MAU2: variants seen among roughly 807,000 people sequenced by gnomAD.
MAU2 encodes the protein MAU2 sister chromatid cohesion factor.
MAU2 carries 9 observed loss-of-function variants against 89.1 expected under a neutral mutation model. The ratio of observed to expected loss-of-function variants is 0.10; its 90% confidence interval spans 0.06 to 0.18. The LOEUF (loss-of-function observed/expected upper bound fraction) is 0.18. MAU2 is among the 10% of genes least tolerant of loss of function. MAU2 has a pLI of 1.00. For missense variants in MAU2, 425 were observed against 803.5 expected (o/e 0.53, Z 5.69); for synonymous variants, 357 against 343.4 (o/e 1.04, Z -0.44).
intron 3 of MAU2, among the ~76,000 whole-genome samples, chr19:19,336,683 G>C (rs2061599319): frequency 6.6e-6 from 1 of 152,306 alleles, no homozygotes; most frequent in South Asian, 2.1e-4. Context: ...TTCTACATAA[G>C]ACTGTTGGAA....
intron 12 of MAU2, among the ~76,000 whole-genome samples, chr19:19,346,187 C>T (rs2061691750): frequency 6.6e-6 from 1 of 152,152 alleles, no homozygotes; most frequent in Non-Finnish European, 1.5e-5. Flanking sequence ...ATGCAGACAG[C>T]ATGCTTGGGA....
chr19:19,351,523 CA>C (rs1481345181), intron 16 of MAU2, among the ~76,000 whole-genome samples: 1 of 151,538 alleles, frequency 6.6e-6, no homozygotes, highest in African/African-American at 2.4e-5. Flanking sequence ...AAAAACCAAA[CA>C]AAAAAATTAG....
At chr19:19,339,089 G>A in intron 5 of MAU2, 150 bp downstream of exon 5, 2 of 624,018 alleles carry the variant, frequency 3.2e-6, no homozygotes, top group Non-Finnish European at 5.5e-6. Flanking sequence ...AAGGTAGGAG[G>A]ATCACTTGAG....
intron 2 of MAU2, 81 bp downstream of exon 2, chr19:19,335,816 C>T (rs768677120): frequency 2.8e-4 from 419 of 1,497,014 alleles, no homozygotes; most frequent in Non-Finnish European, 3.5e-4. Context: ...TTGAATCCCA[C>T]CTCCCGACAT....
rs60860168 is a variant in MAU2 at position 19,347,244 on chromosome 19, G to A, written c.1222-36G>A. On this transcript the variant is annotated intron_variant, in intron 12 of 18. Transcript: ENST00000262815. ...CACTGCCACATGGGTCACAGCACCC[G>A]ACCCAGCCCCCTAATGTCCCCGCCT... is the stretch of plus-strand genomic sequence containing the variant. 6.7e-3 allele frequency: 9,753 copies of A among 1,460,424 alleles called. 554 individuals are homozygous for A. The African/African-American group carries it at 0.12, about 18-fold the overall frequency. The allele number at this position is 1,460,424 out of a possible 1,614,324, so 90.5% of individuals were successfully genotyped here.
intron 1 of MAU2, among the ~76,000 whole-genome samples, chr19:19,335,317 A>G (rs1036168804): frequency 6.6e-6 from 1 of 152,060 alleles, no homozygotes; most frequent in Non-Finnish European, 1.5e-5. Context: ...GCTTTGCTGA[A>G]CGTCCTTCCT....
rs757536566 is a variant in MAU2, at chr19:19,345,283, GACA to G, written c.1156-17_1156-15del. 2.6e-5 allele frequency: 42 copies of G among 1,611,888 alleles called. No individual in the cohort carries two copies. The highest frequency in any genetic ancestry group is 3.4e-5 in the Non-Finnish European group (40 of 1,178,288). On this transcript the variant is annotated intron_variant, in intron 11 of 18. Transcript: ENST00000262815. This position sits in a 1 kb window ranked among gnomAD's most constrained non-coding sequence, Gnocchi z 4.9. ...CCCCTCCCCAGGGGCCGGCCCTGATGACAACACCACCTTCTTCCAGGGCCTGTA... is the reference window on the plus strand; with the variant it reads ...CCCCTCCCCAGGGGCCGGCCCTGATGACACCACCTTCTTCCAGGGCCTGTA...
chr19:19,335,762 C>T lies in MAU2; in HGVS notation c.294+27C>T, dbSNP rs766883068. The T allele has an allele frequency of 3.1e-6, 5 of 1,611,592 alleles. No homozygotes were observed. The East Asian group carries it at 8.9e-5, about 29-fold the overall frequency. ...TATCCTTTCCGTGTTGGTATGGTTC[C>T]CTTTAAGGAATTCTCCACTTAAATA... is the stretch of plus-strand genomic sequence containing the variant. On this transcript the variant is annotated intron_variant, in intron 2 of 18. Coordinates refer to ENST00000262815, the MANE Select transcript of MAU2 (RefSeq NM_015329.4).
intron 1 of MAU2, among the ~76,000 whole-genome samples, chr19:19,327,206 C>T (rs1164386267): frequency 6.6e-6 from 1 of 150,884 alleles, no homozygotes; most frequent in Admixed American, 6.6e-5. Context: ...ATTAAAACCT[C>T]TGCCTCTCAG....
At chr19:19,326,719 T>TATATATATGTGTATATATATATATAC (rs1327254833) in intron 1 of MAU2, among the ~76,000 whole-genome samples, 5 of 28,640 alleles carry the variant, frequency 1.7e-4, no homozygotes, top group Non-Finnish European at 4.5e-4. Context: ...TATATATATA[T>TATATATATGTGTATATATATATATAC]ACATATATAT....
chr19:19,326,706 A>ATATATATATATACGTG (rs2061508962), intron 1 of MAU2, among the ~76,000 whole-genome samples: 2 of 86,986 alleles, frequency 2.3e-5, no homozygotes, highest in Non-Finnish European at 5.1e-5. Context: ...ATATATGTAT[A>ATATATATATATACGTG]TATATATATA....
intron 1 of MAU2, among the ~76,000 whole-genome samples, chr19:19,328,603 A>G (rs1354907691): frequency 6.6e-6 from 1 of 151,876 alleles, no homozygotes; most frequent in Non-Finnish European, 1.5e-5. Flanking sequence ...TTGTAATTTT[A>G]GTAGAGACGG....
chr19:19,343,963 C>T lies in MAU2; in HGVS notation c.1077+23C>T, dbSNP rs532664011. The T allele has an allele frequency of 2.0e-5, 32 of 1,590,754 alleles. 1 individual carries two copies. In the East Asian group the frequency reaches 4.9e-4, roughly 24 times the overall value. On this transcript the variant is annotated intron_variant, in intron 10 of 18. Transcript: ENST00000262815. ...GAGGTAAGGCTGGAAGCAGGAGGGG[C>T]GGGAAGGCCCAGGAGTTTGTTGGGT...
At chr19:19,326,721 C>CACATAT (rs1555792869) in intron 1 of MAU2, among the ~76,000 whole-genome samples, 1 of 80,992 alleles carries the variant, frequency 1.2e-5, no homozygotes, top group Non-Finnish European at 2.5e-5. Flanking sequence ...TATATATATA[C>CACATAT]ATATATATAT....
At chr19:19,342,086 G>A (rs951878849) in intron 7 of MAU2, among the ~76,000 whole-genome samples, 1 of 152,172 alleles carries the variant, frequency 6.6e-6, no homozygotes. Context: ...CTGCAGCCAC[G>A]CTTCCCTCAG....
chr19:19,323,178 C>G (rs1223444016), intron 1 of MAU2, among the ~76,000 whole-genome samples: 1 of 151,848 alleles, frequency 6.6e-6, no homozygotes, highest in East Asian at 1.9e-4. Flanking sequence ...TGAGCCACTG[C>G]GCCCAGCCCC....
intron 16 of MAU2, among the ~76,000 whole-genome samples, chr19:19,351,211 A>G (rs1036853997): frequency 2.6e-5 from 4 of 151,742 alleles, no homozygotes; most frequent in Non-Finnish European, 5.9e-5. Flanking sequence ...CACCATGCTC[A>G]GCTAATTTTT....
rs1339589074 is a variant in MAU2 at position 19,348,814 on chromosome 19, TG to T, written c.1309-74del. ...CGACGGGGGTGTAGAGAAATTCCCATGCACTGCAGTGTGTCTTGGGGACCTT... is the reference window on the plus strand; with the variant it reads ...CGACGGGGGTGTAGAGAAATTCCCATCACTGCAGTGTGTCTTGGGGACCTT... On this transcript the variant is annotated intron_variant, in intron 13 of 18. Transcript: ENST00000262815. 3 of 1,477,276 alleles carry T rather than the reference TG, an allele frequency of 2.0e-6. No individual in the cohort carries two copies. In the African/African-American group the frequency reaches 4.2e-5, roughly 20 times the overall value. The allele number at this position is 1,477,276 out of a possible 1,614,324, so 91.5% of individuals were successfully genotyped here.
intron 1 of MAU2, among the ~76,000 whole-genome samples, chr19:19,325,573 G>A (rs867068302): frequency 3.3e-5 from 5 of 152,114 alleles, no homozygotes; most frequent in Admixed American, 6.5e-5. Flanking sequence ...TCCACCTCCC[G>A]GGTTCAAACG....
Sources: gnomAD v4.1 joint callset for allele counts (sites outside exome capture counted in the v4.1 genomes callset) on GRCh38, gnomAD v4.1.1 for gene constraint, Gnocchi (gnomAD v3.1) non-coding constraint, MANE v1.5 for transcripts, NCBI Gene and HGNC (gene_info 2026-07-23, HGNC 2026-07-21) for gene names.